Variants in TCEAL1 observed in about 807,000 individuals in gnomAD.
The protein encoded by TCEAL1 is transcription elongation factor A protein-like 1.
For missense variants in TCEAL1, 82 were observed against 125.9 expected, an observed-to-expected ratio of 0.65 and a Z score of 1.67; for synonymous variants, 48 against 46.0, an observed-to-expected ratio of 1.04 and a Z score of -0.17.
rs2147642298 is a variant in TCEAL1 at position 103,630,515 on chromosome X, CTTTA to C, written c.*123_*126del. 3 of 860,016 alleles carry C rather than the reference CTTTA, an allele frequency of 3.5e-6. No individual in the cohort carries two copies. The Admixed American group carries it at 1.3e-4, about 38-fold the overall frequency. 70.9% of individuals were successfully genotyped at this position (860,016 alleles called of 1,213,427 possible). ...TTCTGAATTTTAACTTTTTGTGAGG[CTTTA>C]TTTTAGATGTTTAGCATGTAACTCG... On this transcript the variant is annotated 3_prime_UTR_variant, in exon 3 of 3. Coordinates refer to ENST00000372625, the MANE Select transcript of TCEAL1 (RefSeq NM_004780.3).
rs2073711151 is a variant in TCEAL1, at chrX:103,629,494, G to C, written c.-112G>C. The C allele has an allele frequency of 8.1e-6, 1 of 124,137 alleles. No individual in the cohort carries two copies. The highest frequency in any genetic ancestry group is 1.7e-5 in the Non-Finnish European group (1 of 60,375). 10.2% of individuals were successfully genotyped at this position (124,137 alleles called of 1,213,427 possible). Reference sequence around the variant, plus strand: ...TACCCTGTCTTGCGTCTGTGTGCAGGTCTGCTGGTCACAGCGGGGCACCTC... The same window carrying C: ...TACCCTGTCTTGCGTCTGTGTGCAGCTCTGCTGGTCACAGCGGGGCACCTC... On this transcript the variant is annotated splice_region_variant and 5_prime_UTR_variant, in exon 2 of 3. Coordinates refer to ENST00000372625, the MANE Select transcript of TCEAL1 (RefSeq NM_004780.3).
At position 103,630,494 on chromosome X, in the gene TCEAL1, G is replaced by T; in HGVS notation, c.*98G>T. ...TTCTTAATGCCTTTTCCCATATTCTGAATTTTAACTTTTTGTGAGGCTTTA... is the reference window on the plus strand; with the variant it reads ...TTCTTAATGCCTTTTCCCATATTCTTAATTTTAACTTTTTGTGAGGCTTTA... On this transcript the variant is annotated 3_prime_UTR_variant, in exon 3 of 3. Coordinates refer to ENST00000372625, the MANE Select transcript of TCEAL1 (RefSeq NM_004780.3). 1.0e-6 allele frequency: 1 copy of T among 966,806 alleles called. No individual in the cohort carries two copies. Among genetic ancestry groups the T allele is most frequent in the Non-Finnish European group, 1.4e-6 (1 of 729,894 alleles). 79.7% of individuals were successfully genotyped at this position (966,806 alleles called of 1,213,427 possible).
chrX:103,629,829 G>A, intron 2 of TCEAL1, 56 bp from the exon 3 acceptor site: 1 of 1,055,422 alleles, frequency 9.5e-7, no homozygotes, highest in African/African-American at 1.9e-5. Flanking sequence ...CACGGCCTGG[G>A]TGTTAGTCCA....
At chrX:103,628,956 C>G (rs761233543), upstream of TCEAL1, 4 of 112,237 alleles carry the variant, frequency 3.6e-5, no homozygotes, top group Non-Finnish European at 7.5e-5. Context: ...AAGTCCCTCT[C>G]GTCCCGGTCT....
chrX:103,630,380 G>A lies in TCEAL1; in HGVS notation c.464G>A (p.Arg155His). The A allele has an allele frequency of 8.3e-7, 1 of 1,200,418 alleles. No homozygotes were observed. The highest frequency in any genetic ancestry group is 1.8e-5 in the South Asian group (1 of 54,896). Residue 155 changes from arginine to histidine, a missense_variant, in exon 3 of 3, where the codon CGT (arginine) becomes CAT (histidine). Coordinates refer to ENST00000372625, the MANE Select transcript of TCEAL1 (RefSeq NM_004780.3). ...ATGCACTGGAAGGCAAAACGGAGCCGTCCTTATCCTATTTAATGTGTTCGG... is the reference window on the plus strand; with the variant it reads ...ATGCACTGGAAGGCAAAACGGAGCCATCCTTATCCTATTTAATGTGTTCGG... The part of the protein sequence containing the change: ...MIMHWKAKRS[R>H]PYPI
rs1200715058 is a variant in TCEAL1 at position 103,630,161 on chromosome X, G to T, written c.245G>T (p.Arg82Leu). ...GLSRKDLFEG[R>L]PPMEQPPCGV... ...TCCAGGAAGGACCTGTTTGAGGGGC[G>T]CCCTCCCATGGAGCAGCCTCCTTGT... is the stretch of plus-strand genomic sequence containing the variant. The change falls in exon 3 of 3, where the codon CGC (arginine) becomes CTC (leucine). Residue 82 changes from arginine (R) to leucine (L), a missense_variant. Coordinates refer to ENST00000372625, the MANE Select transcript of TCEAL1 (RefSeq NM_004780.3). The T allele has an allele frequency of 8.3e-7, 1 of 1,209,994 alleles. No homozygotes were observed. Among genetic ancestry groups the T allele is most frequent in the African/African-American group, 1.8e-5 (1 of 57,140 alleles).
chrX:103,629,619 G>A (rs1246949923), intron 2 of TCEAL1, 46 bp downstream of exon 2: 3 of 270,555 alleles, frequency 1.1e-5, no homozygotes, highest in African/African-American at 8.3e-5. Flanking sequence ...ACGCCGAAAG[G>A]CATGGAGTCT....
upstream of TCEAL1, chrX:103,628,865 C>G (rs1473980825): frequency 3.6e-5 from 4 of 111,910 alleles, no homozygotes; most frequent in Non-Finnish European, 7.5e-5. Context: ...TGCGGCAGGG[C>G]CGCAGATCAA....
chrX:103,630,791 T>C lies in TCEAL1; in HGVS notation c.*395T>C, dbSNP rs1413510052. ...TGTGGTAAGATAATAGGTGATTTTT[T>C]AAATTTTTGTTTTATCTGAATTTCT... On this transcript the variant is annotated 3_prime_UTR_variant, in exon 3 of 3. Transcript: ENST00000372625. 1.6e-5 allele frequency: 2 copies of C among 124,990 alleles called. No individual in the cohort carries two copies. Among genetic ancestry groups the C allele is most frequent in the South Asian group, 3.6e-4 (1 of 2,741 alleles). 10.3% of individuals were successfully genotyped at this position (124,990 alleles called of 1,213,427 possible). A position where few individuals can be genotyped will look rare whatever the true frequency, so the allele number is the denominator to read the frequency against.
upstream of TCEAL1, chrX:103,628,921 C>A (rs940952587): frequency 8.9e-6 from 1 of 112,323 alleles, no homozygotes; most frequent in African/African-American, 3.2e-5. Context: ...GCGTCCCTCA[C>A]GTGACCAGGA....
chrX:103,630,514 G>T lies in TCEAL1; in HGVS notation c.*118G>T, dbSNP rs2073718892. The T allele has an allele frequency of 2.3e-6, 2 of 865,383 alleles. No individual in the cohort carries two copies. Among genetic ancestry groups the T allele is most frequent in the Admixed American group, 4.5e-5 (1 of 22,114 alleles). The allele number at this position is 865,383 out of a possible 1,213,427, so 71.3% of individuals were successfully genotyped here. A position where few individuals can be genotyped will look rare whatever the true frequency, so the allele number is the denominator to read the frequency against. On this transcript the variant is annotated 3_prime_UTR_variant, in exon 3 of 3. Coordinates refer to ENST00000372625, the MANE Select transcript of TCEAL1 (RefSeq NM_004780.3). ...ATTCTGAATTTTAACTTTTTGTGAG[G>T]CTTTATTTTAGATGTTTAGCATGTA...
intron 2 of TCEAL1, 52 bp from the exon 3 acceptor site, chrX:103,629,833 T>TA: frequency 9.4e-7 from 1 of 1,064,063 alleles, no homozygotes; most frequent in Non-Finnish European, 1.2e-6. Context: ...GCCTGGGTGT[T>TA]AGTCCAGCCG....
intron 1 of TCEAL1, 73 bp from the exon 2 acceptor site, chrX:103,629,421 G>T (rs1322485112): frequency 9.0e-6 from 1 of 111,410 alleles, no homozygotes; most frequent in East Asian, 2.9e-4. Flanking sequence ...GAAAGTGGGG[G>T]GTGGGGGGTG....
chrX:103,629,817 C>A, intron 2 of TCEAL1, 68 bp from the exon 3 acceptor site: 1 of 1,018,984 alleles, frequency 9.8e-7, no homozygotes, highest in Non-Finnish European at 1.3e-6. Flanking sequence ...GGTATTGGAA[C>A]CCACGGCCTG....
rs761448207 is a variant in TCEAL1 at position 103,630,336 on chromosome X, A to T, written c.420A>T (p.Val140=). Residue 140 remains valine, a synonymous_variant, in exon 3 of 3, where the codon GTA becomes GTT. Coordinates refer to ENST00000372625, the MANE Select transcript of TCEAL1 (RefSeq NM_004780.3). ...AADELEEMKR[V]RNKLMIMHWK... is the part of the protein sequence containing the mutation. ...ATGAGCTAGAAGAGATGAAAAGAGT[A>T]AGAAACAAACTGATGATAATGCACT... The T allele has an allele frequency of 8.3e-7, 1 of 1,211,892 alleles. No homozygotes were observed. The highest frequency in any genetic ancestry group is 3.0e-5 in the East Asian group (1 of 33,864).
At chrX:103,629,130 T>G (rs2073706346) in intron 1 of TCEAL1, 105 bp downstream of exon 1, 1 of 112,132 alleles carries the variant, frequency 8.9e-6, no homozygotes, top group Non-Finnish European at 1.9e-5. Context: ...GGCCTTTCCC[T>G]AAGCTCCAGC....
At chrX:103,629,857 C>T in intron 2 of TCEAL1, 28 bp from the exon 3 acceptor site, 1 of 1,094,472 alleles carries the variant, frequency 9.1e-7, no homozygotes, top group Non-Finnish European at 1.2e-6. Context: ...AGTATTCTGA[C>T]TCTATTCTGC....
intron 2 of TCEAL1, 29 bp downstream of exon 2, chrX:103,629,602 A>C: frequency 4.3e-6 from 1 of 232,757 alleles, no homozygotes; most frequent in Non-Finnish European, 7.7e-6. Context: ...CTGGGGCGCG[A>C]GGGTGGACGC....
At position 103,630,436 on chromosome X, in the gene TCEAL1, T is replaced by C; in HGVS notation, c.*40T>C. 1 of 1,109,074 alleles carries C rather than the reference T, an allele frequency of 9.0e-7. No individual in the cohort carries two copies. The allele number at this position is 1,109,074 out of a possible 1,213,427, so 91.4% of individuals were successfully genotyped here. On this transcript the variant is annotated 3_prime_UTR_variant, in exon 3 of 3. Coordinates refer to ENST00000372625, the MANE Select transcript of TCEAL1 (RefSeq NM_004780.3). Reference sequence around the variant, plus strand: ...AATTCTGTTTTGCCTGCTAATAGTATTGCCATTGCCACCTGGACTTTCTGT... The same window carrying C: ...AATTCTGTTTTGCCTGCTAATAGTACTGCCATTGCCACCTGGACTTTCTGT...
Sources: allele counts gnomAD v4.1 joint callset, GRCh38; gene constraint gnomAD v4.1.1; transcripts MANE v1.5; gene names NCBI Gene and HGNC (gene_info 2026-07-23, HGNC 2026-07-21).